AGBL1: variants seen among roughly 807,000 people sequenced by gnomAD.
AGBL1 encodes the protein AGBL carboxypeptidase 1.
AGBL1 carries 130 observed loss-of-function variants against 118.9 expected under a neutral mutation model. The ratio of observed to expected loss-of-function variants is 1.09; its 90% CI spans 0.95 to 1.26. The LOEUF (loss-of-function observed/expected upper bound fraction) is 1.26. AGBL1 is among the 50% of genes most tolerant of loss of function. AGBL1 has a pLI of 0.00. For synonymous variants in AGBL1, 555 were observed against 478.9 expected (o/e 1.16, Z -2.08); for missense variants, 1,584 against 1,298.1 (o/e 1.22, Z -3.38).
chr15:86,334,947 C>T (rs2080339365), intron 17 of AGBL1, among the ~76,000 whole-genome samples: 1 of 152,060 alleles, frequency 6.6e-6, no homozygotes, highest in African/African-American at 2.4e-5. Context: ...AAAATAAAGG[C>T]ATTTTTTAGA....
intron 21 of AGBL1, among the ~76,000 whole-genome samples, chr15:86,633,640 A>C (rs569835547): frequency 2.6e-5 from 4 of 151,782 alleles, no homozygotes; most frequent in Admixed American, 6.6e-5. Context: ...AGTAAAAAAG[A>C]TCATTCTCTG....
At chr15:86,737,923 AT>A (rs2077624727) in intron 22 of AGBL1, among the ~76,000 whole-genome samples, 1 of 152,192 alleles carries the variant, frequency 6.6e-6, no homozygotes. Flanking sequence ...ATCAAATAAC[AT>A]ATCAAAAAAG....
chr15:86,975,407 G>A (rs1214478904), intron 23 of AGBL1, among the ~76,000 whole-genome samples: 2 of 151,958 alleles, frequency 1.3e-5, no homozygotes, highest in Non-Finnish European at 2.9e-5. Context: ...ACGAGAAAGA[G>A]AAAGACCCAT....
intron 24 of AGBL1, among the ~76,000 whole-genome samples, chr15:87,000,077 T>A (rs1308803954): frequency 2.2e-5 from 2 of 89,914 alleles, no homozygotes; most frequent in Non-Finnish European, 5.3e-5. Context: ...TGGGGTTGTT[T>A]GGTTTTTTCT....
chr15:86,409,208 T>G (rs1262663711), intron 18 of AGBL1, among the ~76,000 whole-genome samples: 4 of 152,152 alleles, frequency 2.6e-5, no homozygotes, highest in Non-Finnish European at 5.9e-5. Flanking sequence ...TGGCACTTGG[T>G]GCAACCGTCC....
At chr15:86,457,579 C>A (rs901811296) in intron 18 of AGBL1, among the ~76,000 whole-genome samples, 1 of 152,018 alleles carries the variant, frequency 6.6e-6, no homozygotes, top group Non-Finnish European at 1.5e-5. Context: ...GGAAAAGTGT[C>A]CCCACTGTGC....
chr15:86,540,848 C>T (rs1312611760), intron 19 of AGBL1, among the ~76,000 whole-genome samples: 2 of 152,164 alleles, frequency 1.3e-5, no homozygotes, highest in Non-Finnish European at 2.9e-5. Flanking sequence ...TCTCCTTCTC[C>T]TTCACTCTGA....
At chr15:86,712,400 G>A (rs1251369546) in intron 22 of AGBL1, among the ~76,000 whole-genome samples, 2 of 151,320 alleles carry the variant, frequency 1.3e-5, no homozygotes, top group African/African-American at 2.4e-5. Flanking sequence ...ACATTAAAAC[G>A]GAATGTTAAG....
intron 21 of AGBL1, among the ~76,000 whole-genome samples, chr15:86,606,118 C>T (rs376193159): frequency 8.8e-4 from 45 of 50,914 alleles, no homozygotes; most frequent in African/African-American, 4.1e-3. Flanking sequence ...CAGAGCAAGA[C>T]TCCATCTCAA....
chr15:86,512,066 G>C (rs1429897335), intron 18 of AGBL1, among the ~76,000 whole-genome samples: 1 of 151,896 alleles, frequency 6.6e-6, no homozygotes, highest in Non-Finnish European at 1.5e-5. Context: ...GTGAATATAC[G>C]TTTATGAAAT....
At chr15:86,863,416 C>T (rs961700216) in intron 22 of AGBL1, among the ~76,000 whole-genome samples, 20 of 152,040 alleles carry the variant, frequency 1.3e-4, no homozygotes, top group Non-Finnish European at 2.8e-4. Flanking sequence ...GACTCAGGCT[C>T]TAGATTCAAG....
intron 20 of AGBL1, among the ~76,000 whole-genome samples, chr15:86,552,620 GT>G (rs1183411047): frequency 6.6e-6 from 1 of 152,110 alleles, no homozygotes; most frequent in Non-Finnish European, 1.5e-5. Flanking sequence ...GGATTTTCCT[GT>G]GAATAAGACA....
intron 16 of AGBL1, among the ~76,000 whole-genome samples, chr15:86,280,517 C>T (rs1292165148): frequency 6.6e-6 from 1 of 152,222 alleles, no homozygotes; most frequent in Non-Finnish European, 1.5e-5. Context: ...CTAACCCTTA[C>T]TGCTACCATT....
At chr15:86,277,939 C>T (rs1294750771) in intron 15 of AGBL1, among the ~76,000 whole-genome samples, 2 of 152,172 alleles carry the variant, frequency 1.3e-5, no homozygotes, top group East Asian at 1.9e-4. Context: ...TGCTGTTTCC[C>T]GTAAAGAGGA....
chr15:86,909,188 A>C lies in AGBL1; in HGVS notation c.*1894A>C, dbSNP rs2080318859. ...CTATAGCCACAGGAAGCTGCAAGAG[A>C]GGTTAGAAAACATAGTCTTTATTTG... On this transcript the variant is annotated 3_prime_UTR_variant, in exon 23 of 23. Transcript: ENST00000614907. 5.3e-5 allele frequency: 8 copies of C among 152,256 alleles called. No homozygotes were observed. In the South Asian group the frequency reaches 1.7e-3, roughly 31 times the overall value. The allele number at this position is 152,256 out of a possible 1,614,324, so 9.4% of individuals were successfully genotyped here. A position where few individuals can be genotyped will look rare whatever the true frequency, so the allele number is the denominator to read the frequency against.
At chr15:87,016,832 C>G (rs749417448) in intron 24 of AGBL1, among the ~76,000 whole-genome samples, 4 of 152,134 alleles carry the variant, frequency 2.6e-5, no homozygotes, top group Non-Finnish European at 5.9e-5. Flanking sequence ...TTGCAACCAG[C>G]AGATCAGGGA....
intron 24 of AGBL1, among the ~76,000 whole-genome samples, chr15:87,021,200 ACCATCT>A (rs1239503611): frequency 3.3e-5 from 5 of 152,218 alleles, no homozygotes; most frequent in Admixed American, 3.3e-4. Context: ...AAGACCTACA[ACCATCT>A]GATCTTTGAC....
intron 17 of AGBL1, among the ~76,000 whole-genome samples, chr15:86,368,824 G>T (rs2080928979): frequency 6.6e-6 from 1 of 152,168 alleles, no homozygotes; most frequent in African/African-American, 2.4e-5. Context: ...GGAAAGATTT[G>T]TCTTTCAAAA....
intron 21 of AGBL1, among the ~76,000 whole-genome samples, chr15:86,569,682 C>A (rs916855833): frequency 2.0e-5 from 3 of 152,194 alleles, no homozygotes; most frequent in Non-Finnish European, 4.4e-5. Flanking sequence ...TGTCTGTCAG[C>A]ATCATGATAG....
Sources: allele counts gnomAD v4.1 joint callset (sites outside exome capture counted in the v4.1 genomes callset), GRCh38; gene constraint gnomAD v4.1.1; transcripts MANE v1.5; gene names NCBI Gene and HGNC (gene_info 2026-07-23, HGNC 2026-07-21).